Variants in ANO10 observed in about 807,000 individuals in gnomAD.
ANO10 encodes anoctamin-10.
In ANO10, 77 loss-of-function variants were observed where a neutral mutation model predicts 74.7. That is an observed-to-expected ratio of 1.03 (90% CI 0.86 to 1.25). The LOEUF (loss-of-function observed/expected upper bound fraction) is 1.25. Ranked by LOEUF, ANO10 falls within the 50% of genes most tolerant of loss-of-function variation. The probability of loss-of-function intolerance (pLI) is 0.00; values close to 1 mark genes in which losing one functional copy is unlikely to be tolerated. For synonymous variants in ANO10, 279 were observed against 284.9 expected, an observed-to-expected ratio of 0.98 and a Z score of 0.21; for missense variants, 721 against 778.1, an observed-to-expected ratio of 0.93 and a Z score of 0.87.
intron 1 of ANO10, among the ~76,000 whole-genome samples, chr3:43,674,406 T>C (rs2084096870): frequency 6.6e-6 from 1 of 152,128 alleles, no homozygotes; most frequent in South Asian, 2.1e-4. Flanking sequence ...TGCCTCTGCC[T>C]CACAAGTAGC....
chr3:43,566,470 A>G (rs895705515), intron 7 of ANO10, among the ~76,000 whole-genome samples: 4 of 152,244 alleles, frequency 2.6e-5, no homozygotes, highest in Non-Finnish European at 4.4e-5. Context: ...TGGTTCTCCC[A>G]GCACGCAGCT....
rs1399037945 is a variant in ANO10 at position 43,685,850 on chromosome 3, T to C, written c.-12+5667A>G. Among the ~76,000 whole-genome samples, 4 of 152,256 alleles carry C rather than the reference T, an allele frequency of 2.6e-5. No individual in the cohort carries two copies. The East Asian group carries it at 7.7e-4, about 29-fold the overall frequency. Reference sequence around the variant, plus strand: ...TGAAGATATTAAAGCCTTGGTTTCTTAACATGTTCAAAAAAGATTTTCTAA... The same window carrying C: ...TGAAGATATTAAAGCCTTGGTTTCTCAACATGTTCAAAAAAGATTTTCTAA... On this transcript the variant is annotated intron_variant, in intron 1 of 3. Coordinates refer to the ANO10 transcript ENST00000413397.
intron 1 of ANO10, among the ~76,000 whole-genome samples, chr3:43,608,138 T>G (rs529150798): frequency 6.6e-6 from 1 of 151,350 alleles, no homozygotes; most frequent in South Asian, 2.1e-4. Context: ...TCAAGATAAA[T>G]AAAAAGAAAA....
chr3:43,369,381 G>A (rs1355733371), intron 12 of ANO10, among the ~76,000 whole-genome samples: 1 of 152,270 alleles, frequency 6.6e-6, no homozygotes, highest in Non-Finnish European at 1.5e-5. Flanking sequence ...GGCAAAGGTA[G>A]AAAGAATGGC....
chr3:43,476,312 T>C (rs574353458), intron 11 of ANO10, among the ~76,000 whole-genome samples: 4 of 152,338 alleles, frequency 2.6e-5, no homozygotes, highest in African/African-American at 9.6e-5. Flanking sequence ...ATCTTGGTGA[T>C]ATCCATGTAC....
intron 12 of ANO10, among the ~76,000 whole-genome samples, chr3:43,427,862 G>A (rs901000154): frequency 2.0e-5 from 3 of 152,156 alleles, no homozygotes; most frequent in Non-Finnish European, 4.4e-5. Context: ...GTAACCTTTT[G>A]TACCTTATAG....
At chr3:43,431,154 C>T (rs1372109250) in intron 12 of ANO10, among the ~76,000 whole-genome samples, 1 of 151,744 alleles carries the variant, frequency 6.6e-6, no homozygotes, top group South Asian at 2.1e-4. Context: ...CTCATTACAG[C>T]CTTGACCTTC....
chr3:43,664,141 C>G (rs1481923988), intron 1 of ANO10, among the ~76,000 whole-genome samples: 1 of 151,892 alleles, frequency 6.6e-6, no homozygotes, highest in East Asian at 1.9e-4. Context: ...TAGTACAAGG[C>G]TACAGTAACC....
chr3:43,415,727 A>C (rs1279948370), intron 12 of ANO10, among the ~76,000 whole-genome samples: 1 of 151,946 alleles, frequency 6.6e-6, no homozygotes, highest in Non-Finnish European at 1.5e-5. Flanking sequence ...TTTTTAGTAG[A>C]GACAGAGTTT....
chr3:43,428,932 T>A (rs2148932497), intron 12 of ANO10, among the ~76,000 whole-genome samples: 1 of 151,690 alleles, frequency 6.6e-6, no homozygotes, highest in East Asian at 1.9e-4. Context: ...ACACTTCTGG[T>A]CCTAAGCACT....
chr3:43,434,779 C>T (rs775364378), intron 11 of ANO10, among the ~76,000 whole-genome samples: 33 of 152,178 alleles, frequency 2.2e-4, no homozygotes, highest in Admixed American at 9.2e-4. Flanking sequence ...AACAAGGCTG[C>T]CCAGATTTTG....
At chr3:43,606,733 T>C (rs543110934) in intron 1 of ANO10, among the ~76,000 whole-genome samples, 1 of 151,928 alleles carries the variant, frequency 6.6e-6, no homozygotes, top group Admixed American at 6.6e-5. Context: ...ACAGTACCCA[T>C]CTCAGCTAGG....
At chr3:43,611,556 A>G (rs925613322) in intron 1 of ANO10, among the ~76,000 whole-genome samples, 2 of 152,210 alleles carry the variant, frequency 1.3e-5, no homozygotes, top group African/African-American at 2.4e-5. Flanking sequence ...ATGACCTCTC[A>G]GTTATGTGAC....
At chr3:43,454,592 G>T (rs1036222047) in intron 11 of ANO10, among the ~76,000 whole-genome samples, 1 of 151,940 alleles carries the variant, frequency 6.6e-6, no homozygotes, top group African/African-American at 2.4e-5. Context: ...AGATACTAAA[G>T]AAGAGTGGTC....
At chr3:43,690,759 A>C (rs1477688731) in intron 1 of ANO10, 1 of 430,322 alleles carries the variant, frequency 2.3e-6, no homozygotes, top group Non-Finnish European at 4.1e-6. Context: ...CCGCGCTTAC[A>C]CCCGGGAGCG....
chr3:43,690,909 T>C, intron 1 of ANO10: 3 of 1,446,700 alleles, frequency 2.1e-6, no homozygotes, highest in Non-Finnish European at 1.8e-6. Flanking sequence ...CTGCGCCGCC[T>C]TAAGTGCCGC....
rs558302346 is a variant in ANO10 at position 43,440,659 on chromosome 3, A to C, written c.1798-7932T>G. Among the ~76,000 whole-genome samples the C allele has an allele frequency of 3.3e-5, 5 of 152,206 alleles. No homozygotes were observed. The South Asian group carries it at 1.0e-3, about 31-fold the overall frequency. On this transcript the variant is annotated intron_variant, in intron 11 of 12. Coordinates refer to ENST00000292246, the MANE Select transcript of ANO10 (RefSeq NM_018075.5). ...AATGGATAAAACAATCAGACATAAG[A>C]TCAATAAGGAAACAGAGGACTTAAC...
At chr3:43,488,677 C>T (rs1378903661) in intron 11 of ANO10, among the ~76,000 whole-genome samples, 2 of 150,152 alleles carry the variant, frequency 1.3e-5, no homozygotes, top group Non-Finnish European at 3.0e-5. Context: ...ACAACAGGTG[C>T]TGGAGAGGAT....
intron 11 of ANO10, among the ~76,000 whole-genome samples, chr3:43,460,901 A>G (rs370438078): frequency 6.6e-6 from 1 of 152,156 alleles, no homozygotes; most frequent in African/African-American, 2.4e-5. Context: ...GTTCTTGGAA[A>G]TTACCATATG....
Sources: allele counts gnomAD v4.1 joint callset (sites outside exome capture counted in the v4.1 genomes callset), GRCh38; gene constraint gnomAD v4.1.1; transcripts MANE v1.5; gene names NCBI Gene and HGNC (gene_info 2026-07-23, HGNC 2026-07-21).